Variants in FAF1 observed in about 807,000 individuals in gnomAD.
FAF1 encodes the protein FAS-associated factor 1.
FAF1 carries 25 observed loss-of-function variants against 92.5 expected under a neutral mutation model. The observed-to-expected ratio is 0.27, with a 90% CI of 0.20 to 0.38. FAF1 has a LOEUF of 0.38. Ranked by LOEUF, FAF1 falls within the 10% of genes least tolerant of loss-of-function variation. The pLI, the probability that FAF1 is intolerant of heterozygous loss-of-function variation, is 1.00. For missense variants in FAF1, 636 were observed against 793.3 expected, an observed-to-expected ratio of 0.80 and a Z score of 2.38; for synonymous variants, 234 against 273.2, an observed-to-expected ratio of 0.86 and a Z score of 1.42.
rs914455582 is a variant in FAF1 at position 50,437,239 on chromosome 1, G to A, written c.*4201C>T. The A allele has an allele frequency of 4.6e-5, 7 of 152,068 alleles. No individual in the cohort carries two copies. The highest frequency in any genetic ancestry group is 1.9e-4 in the East Asian group (1 of 5,188). 9.4% of individuals were successfully genotyped at this position (152,068 alleles called of 1,614,324 possible). The stretch of plus-strand genomic sequence containing the variant: ...GGAGGTTTCTTTTAGATAAAAATAC[G>A]GATTGATAAAAAGAATGGACAGATT... On this transcript the variant is annotated 3_prime_UTR_variant, in exon 19 of 19. Transcript: ENST00000396153.
At chr1:50,825,865 TTAAA>T (rs1402918707) in intron 2 of FAF1, among the ~76,000 whole-genome samples, 2 of 152,174 alleles carry the variant, frequency 1.3e-5, no homozygotes, top group Non-Finnish European at 2.9e-5. Flanking sequence ...TACTAAAAAG[TTAAA>T]TAGAGAATGC....
At chr1:50,750,741 T>C (rs1490507151) in intron 4 of FAF1, among the ~76,000 whole-genome samples, 2 of 151,308 alleles carry the variant, frequency 1.3e-5, no homozygotes, top group Non-Finnish European at 3.0e-5. Context: ...TTCCTGCCTC[T>C]GCCTCCCGAG....
chr1:50,671,274 A>G (rs1163787166), intron 7 of FAF1, among the ~76,000 whole-genome samples: 1 of 151,906 alleles, frequency 6.6e-6, no homozygotes, highest in Non-Finnish European at 1.5e-5. Context: ...GCATGTTGGT[A>G]CGAACCTGTA....
intron 2 of FAF1, among the ~76,000 whole-genome samples, chr1:50,837,100 G>C (rs1159769646): frequency 6.6e-6 from 1 of 151,582 alleles, no homozygotes; most frequent in Admixed American, 6.6e-5. Flanking sequence ...TGGGACTACA[G>C]GCACCCGCCA....
chr1:50,482,622 C>T (rs1220855909), intron 17 of FAF1, among the ~76,000 whole-genome samples: 2 of 152,064 alleles, frequency 1.3e-5, no homozygotes, highest in African/African-American at 4.8e-5. Context: ...TTTAGCATTC[C>T]CGTCATTAAT....
At chr1:50,446,310 A>G (rs978958883) in intron 18 of FAF1, among the ~76,000 whole-genome samples, 2 of 152,214 alleles carry the variant, frequency 1.3e-5, no homozygotes, top group Admixed American at 1.3e-4. Flanking sequence ...ACTTTTTAGT[A>G]CCTGAGCATA....
At chr1:50,932,170 T>G (rs1037068139) in intron 1 of FAF1, among the ~76,000 whole-genome samples, 4 of 152,046 alleles carry the variant, frequency 2.6e-5, no homozygotes, top group African/African-American at 9.7e-5. Context: ...CCTCCAAATC[T>G]CATGTCCTCA....
chr1:50,760,386 T>G (rs949005827), intron 4 of FAF1, among the ~76,000 whole-genome samples: 3 of 152,090 alleles, frequency 2.0e-5, no homozygotes, highest in African/African-American at 7.2e-5. Flanking sequence ...GAACATACAT[T>G]TTTTTCAGCA....
chr1:50,599,009 TA>T (rs1278085086), intron 8 of FAF1, among the ~76,000 whole-genome samples: 1 of 152,212 alleles, frequency 6.6e-6, no homozygotes, highest in East Asian at 1.9e-4. Flanking sequence ...TCAAAGTATG[TA>T]CTACAGGCAC....
At chr1:50,827,170 C>T (rs988012038) in intron 2 of FAF1, among the ~76,000 whole-genome samples, 4 of 151,886 alleles carry the variant, frequency 2.6e-5, no homozygotes, top group Admixed American at 1.3e-4. Context: ...ATGACGATGG[C>T]GGTTTTGTCA....
intron 1 of FAF1, among the ~76,000 whole-genome samples, chr1:50,889,254 T>C (rs1389863308): frequency 2.0e-5 from 3 of 152,226 alleles, no homozygotes; most frequent in Non-Finnish European, 4.4e-5. Context: ...TTCTTCTCTC[T>C]TTTCTTCTTT....
intron 8 of FAF1, among the ~76,000 whole-genome samples, chr1:50,624,366 T>C (rs1250711045): frequency 2.6e-5 from 4 of 152,102 alleles, no homozygotes; most frequent in South Asian, 2.1e-4. Context: ...GCCAGGCTGG[T>C]TCGAACTCCT....
chr1:50,948,211 G>GA (rs1645185705), intron 1 of FAF1, among the ~76,000 whole-genome samples: 1 of 152,204 alleles, frequency 6.6e-6, no homozygotes. Context: ...GTGAAGTCAT[G>GA]AAACAGCCTA....
chr1:50,683,640 T>A (rs1033369610), intron 7 of FAF1, among the ~76,000 whole-genome samples: 5 of 151,762 alleles, frequency 3.3e-5, no homozygotes, highest in African/African-American at 9.7e-5. Context: ...AGTAATTTTT[T>A]AAATGTTTTT....
intron 2 of FAF1, among the ~76,000 whole-genome samples, chr1:50,802,063 T>C (rs762458432): frequency 1.3e-5 from 2 of 152,070 alleles, no homozygotes; most frequent in Non-Finnish European, 2.9e-5. Flanking sequence ...AAATCACAAA[T>C]GAATGTATTA....
At chr1:50,582,839 T>C (rs1026787695) in intron 11 of FAF1, 140 bp from the exon 12 acceptor site, 23 of 597,240 alleles carry the variant, frequency 3.9e-5, no homozygotes, top group Non-Finnish European at 5.6e-5. Context: ...CTTTAAAAGC[T>C]TGGAAATGAG....
chr1:50,516,092 C>T (rs1394994227), intron 15 of FAF1, among the ~76,000 whole-genome samples: 1 of 152,128 alleles, frequency 6.6e-6, no homozygotes, highest in Non-Finnish European at 1.5e-5. Context: ...GTACGTGAGG[C>T]ACAGAAAGAT....
chr1:50,874,649 A>G (rs2124683135), intron 1 of FAF1, among the ~76,000 whole-genome samples: 1 of 152,112 alleles, frequency 6.6e-6, no homozygotes. Flanking sequence ...ATTAGCCACC[A>G]TGCACAGCCA....
chr1:50,519,813 A>G (rs913542389), intron 15 of FAF1, among the ~76,000 whole-genome samples: 1 of 152,080 alleles, frequency 6.6e-6, no homozygotes, highest in Non-Finnish European at 1.5e-5. Context: ...CCACAAGTCT[A>G]CCTGCCACAA....
Sources: gnomAD v4.1 joint callset for allele counts (sites outside exome capture counted in the v4.1 genomes callset) on GRCh38, gnomAD v4.1.1 for gene constraint, MANE v1.5 for transcripts, NCBI Gene and HGNC (gene_info 2026-07-23, HGNC 2026-07-21) for gene names.